ACOT7: variants seen among roughly 807,000 people sequenced by gnomAD.
ACOT7 encodes the protein acyl-CoA thioesterase 7, also known as cytosolic acyl coenzyme A thioester hydrolase.
ACOT7 carries 12 observed loss-of-function variants against 40.2 expected under a neutral mutation model. The observed-to-expected ratio is 0.30, with a 90% CI of 0.19 to 0.48. The LOEUF is 0.48. ACOT7 is among the 20% of genes least tolerant of loss of function. ACOT7 has a pLI of 0.99. For synonymous variants in ACOT7, 228 were observed against 219.5 expected, an observed-to-expected ratio of 1.04 and a Z score of -0.34; for missense variants, 395 against 530.8, an observed-to-expected ratio of 0.74 and a Z score of 2.51.
chr1:6,307,310 A>G (rs570449505), intron 6 of ACOT7, among the ~76,000 whole-genome samples: 1 of 152,348 alleles, frequency 6.6e-6, no homozygotes, highest in South Asian at 2.1e-4. Context: ...CGGCACCAGC[A>G]CAGTCCGCAG....
chr1:6,329,316 G>A (rs1640891749), intron 4 of ACOT7, among the ~76,000 whole-genome samples: 1 of 152,222 alleles, frequency 6.6e-6, no homozygotes, highest in Non-Finnish European at 1.5e-5. Context: ...GAAGCAAACT[G>A]TGGGGAGTGT....
intron 7 of ACOT7, among the ~76,000 whole-genome samples, chr1:6,285,961 C>T (rs1441723943): frequency 2.6e-5 from 4 of 152,166 alleles, no homozygotes; most frequent in South Asian, 2.1e-4. Context: ...GGGGCCCATC[C>T]GAGGAAGGGG....
chr1:6,383,068 G>C (rs1300752281), intron 1 of ACOT7, among the ~76,000 whole-genome samples: 1 of 151,474 alleles, frequency 6.6e-6, no homozygotes, highest in Non-Finnish European at 1.5e-5. Flanking sequence ...TAGTAGAGAC[G>C]GGGTTTCACC....
At chr1:6,307,192 C>G (rs925388062) in intron 6 of ACOT7, among the ~76,000 whole-genome samples, 2 of 152,276 alleles carry the variant, frequency 1.3e-5, no homozygotes, top group African/African-American at 4.8e-5. Flanking sequence ...GCTCGGCACA[C>G]AGGAGGTGCC....
At chr1:6,375,724 C>T (rs1242779180) in intron 1 of ACOT7, among the ~76,000 whole-genome samples, 4 of 147,970 alleles carry the variant, frequency 2.7e-5, no homozygotes, top group African/African-American at 1.0e-4. Context: ...ATCACGAGGT[C>T]AGGAGATCAA....
Position 6,363,935 on chromosome 1 carries a change from G to A in ACOT7, c.144-14069C>T, listed in dbSNP as rs1445831917. Among the ~76,000 whole-genome samples, 6 of 152,256 alleles carry A rather than the reference G, an allele frequency of 3.9e-5. No individual in the cohort carries two copies. In the East Asian group the frequency reaches 9.7e-4, roughly 25 times the overall value. On this transcript the variant is annotated intron_variant, in intron 1 of 8. Transcript: ENST00000361521. Reference sequence around the variant, plus strand: ...TTCTGTGGTCCCAGCTACTCAGGGGGTCCCAGCTGCACCTGTGGTCCCAGC... The same window carrying A: ...TTCTGTGGTCCCAGCTACTCAGGGGATCCCAGCTGCACCTGTGGTCCCAGC...
At chr1:6,269,267 A>T (rs947463517) in intron 8 of ACOT7, among the ~76,000 whole-genome samples, 1 of 152,182 alleles carries the variant, frequency 6.6e-6, no homozygotes. Context: ...GGACTCGTCC[A>T]TGGGAAGTGA....
At chr1:6,344,725 T>C (rs186388028) in intron 2 of ACOT7, among the ~76,000 whole-genome samples, 70 of 133,910 alleles carry the variant, frequency 5.2e-4, no homozygotes, top group Non-Finnish European at 7.9e-4. Flanking sequence ...GACCGCACCA[T>C]TGCACCCCAG....
chr1:6,367,055 T>C (rs1292026349), intron 1 of ACOT7, among the ~76,000 whole-genome samples: 2 of 151,562 alleles, frequency 1.3e-5, no homozygotes, highest in East Asian at 2.0e-4. Flanking sequence ...AAAAATTAGC[T>C]GGGCATGGTG....
At chr1:6,362,056 C>T (rs1402742155) in intron 1 of ACOT7, among the ~76,000 whole-genome samples, 1 of 152,186 alleles carries the variant, frequency 6.6e-6, no homozygotes, top group African/African-American at 2.4e-5. Context: ...TAAAAACATG[C>T]TCGAGGTTGT....
chr1:6,362,547 T>A (rs1641914526), intron 1 of ACOT7, among the ~76,000 whole-genome samples: 1 of 151,736 alleles, frequency 6.6e-6, no homozygotes, highest in Non-Finnish European at 1.5e-5. Flanking sequence ...GACAGGCACC[T>A]AGAACTCAAA....
rs1249427628 is a variant in ACOT7 at position 6,349,730 on chromosome 1, A to G, written c.261+19T>C. The G allele has an allele frequency of 5.6e-6, 9 of 1,606,656 alleles. No homozygotes were observed. In the South Asian group the frequency reaches 7.8e-5, roughly 14 times the overall value. On this transcript the variant is annotated intron_variant, in intron 2 of 8. Coordinates refer to ENST00000361521, the MANE Select transcript of ACOT7 (RefSeq NM_007274.4). ...GGTGCGGCCTCCAGGGCCCAGAGGT[A>G]TGGGGCCCAGACCCTTACCCCGTTC...
chr1:6,378,561 C>T (rs1330768422), intron 1 of ACOT7, among the ~76,000 whole-genome samples: 3 of 151,970 alleles, frequency 2.0e-5, no homozygotes, highest in African/African-American at 7.2e-5. Context: ...AGCTGCCAGC[C>T]CCTGACCTGC....
intron 5 of ACOT7, among the ~76,000 whole-genome samples, chr1:6,323,448 T>C (rs1364983743): frequency 2.0e-5 from 3 of 152,100 alleles, no homozygotes; most frequent in Non-Finnish European, 4.4e-5. Context: ...CCAGGTATGG[T>C]GGCTCACGCC....
intron 8 of ACOT7, among the ~76,000 whole-genome samples, chr1:6,267,923 TGCG>T (rs1638899740): frequency 6.6e-6 from 1 of 152,144 alleles, no homozygotes; most frequent in African/African-American, 2.4e-5. Flanking sequence ...ACAGCAGAGT[TGCG>T]GGGACCAAAT....
At chr1:6,387,494 G>C (rs546580513) in intron 1 of ACOT7, among the ~76,000 whole-genome samples, 1 of 152,284 alleles carries the variant, frequency 6.6e-6, no homozygotes, top group Admixed American at 6.5e-5. Context: ...ATTTGTAACA[G>C]ACTTCCCCAG....
intron 3 of ACOT7, among the ~76,000 whole-genome samples, chr1:6,334,234 C>T (rs148864177): frequency 1.3e-5 from 2 of 152,358 alleles, no homozygotes; most frequent in Non-Finnish European, 2.9e-5. Flanking sequence ...CTGCTGACAT[C>T]GAACGTCAAA....
At position 6,338,019 on chromosome 1, in the gene ACOT7, A is replaced by AG. The variant is rs1557657356; in HGVS notation, c.418+1413_418+1414insC. On this transcript the variant is annotated intron_variant, in intron 3 of 8. Coordinates refer to ENST00000361521, the MANE Select transcript of ACOT7 (RefSeq NM_007274.4). The surrounding 1 kb of genome is among the most constrained non-coding windows in gnomAD (Gnocchi z 4.4). The stretch of plus-strand genomic sequence containing the variant: ...CCATCTCAAAAAAAAAAAAAAAAAA[A>AG]AAAAGAAACCTGCTCTTCAGGGCTT... Among the ~76,000 whole-genome samples, 4 of 151,008 alleles carry AG rather than the reference A, an allele frequency of 2.6e-5. No individual in the cohort carries two copies. In the East Asian group the frequency reaches 5.8e-4, roughly 22 times the overall value.
Position 6,282,917 on chromosome 1 carries a change from G to T in ACOT7, c.830-1631C>A. The T allele has an allele frequency of 1.7e-6, 1 of 578,300 alleles. No homozygotes were observed. The highest frequency in any genetic ancestry group is 3.1e-6 in the Non-Finnish European group (1 of 325,534). 35.8% of individuals were successfully genotyped at this position (578,300 alleles called of 1,614,324 possible). Reference sequence around the variant, plus strand: ...GAAGTTTCAACAGGTCAGACCTGAGGGTCTCCCAGCATCTCTGCCTCCTTC... The same window carrying T: ...GAAGTTTCAACAGGTCAGACCTGAGTGTCTCCCAGCATCTCTGCCTCCTTC... On this transcript the variant is annotated intron_variant, in intron 7 of 8. Coordinates refer to ENST00000361521, the MANE Select transcript of ACOT7 (RefSeq NM_007274.4). The surrounding 1 kb of genome is among the most constrained non-coding windows in gnomAD (Gnocchi z 4.5).
Sources: gnomAD v4.1 joint callset for allele counts (sites outside exome capture counted in the v4.1 genomes callset) on GRCh38, gnomAD v4.1.1 for gene constraint, Gnocchi (gnomAD v3.1) non-coding constraint, MANE v1.5 for transcripts, NCBI Gene and HGNC (gene_info 2026-07-23, HGNC 2026-07-21) for gene names.